Variants in POLN observed in about 807,000 individuals in gnomAD.
The protein encoded by POLN is DNA polymerase nu.
POLN carries 108 observed loss-of-function variants against 113.5 expected under a neutral mutation model. That is an observed-to-expected ratio of 0.95 (90% CI 0.81 to 1.12). The LOEUF (loss-of-function observed/expected upper bound fraction) is 1.12, where lower values mean the gene tolerates loss of function less well. Among genes scored for constraint, POLN ranks in the 50% most tolerant of loss-of-function variants. POLN has a pLI of 0.00. For synonymous variants in POLN, 386 were observed against 391.5 expected (o/e 0.99, Z 0.17); for missense variants, 1,097 against 1,077.1 (o/e 1.02, Z -0.26).
intron 4 of POLN, among the ~76,000 whole-genome samples, chr4:2,210,007 T>TTATATATATATATA (rs139428211): frequency 2.1e-5 from 3 of 146,164 alleles, no homozygotes; most frequent in African/African-American, 7.5e-5. Flanking sequence ...TAAATTTACT[T>TTATATATATATATA]TATATATATA....
At chr4:2,195,424 C>G (rs959196897) in intron 6 of POLN, among the ~76,000 whole-genome samples, 5 of 149,104 alleles carry the variant, frequency 3.4e-5, no homozygotes, top group African/African-American at 1.2e-4. Context: ...CCATCTCATA[C>G]AGGGTGGTCA....
intron 19 of POLN, among the ~76,000 whole-genome samples, chr4:2,124,158 A>C (rs906295971): frequency 4.6e-5 from 7 of 152,288 alleles, no homozygotes; most frequent in African/African-American, 1.7e-4. Context: ...CTAGAGACAG[A>C]AAGTAGATGA....
intron 20 of POLN, among the ~76,000 whole-genome samples, chr4:2,092,283 C>A (rs1428021704): frequency 6.6e-6 from 1 of 152,228 alleles, no homozygotes; most frequent in African/African-American, 2.4e-5. Flanking sequence ...GTCAGGGAAT[C>A]ATCTGAGAAG....
chr4:2,188,325 G>A (rs1733332452), intron 7 of POLN, among the ~76,000 whole-genome samples: 1 of 152,184 alleles, frequency 6.6e-6, no homozygotes, highest in East Asian at 1.9e-4. Flanking sequence ...CACGGGCCGG[G>A]CGCAGTGGCT....
At chr4:2,123,899 C>G (rs1731513378) in intron 19 of POLN, among the ~76,000 whole-genome samples, 1 of 151,672 alleles carries the variant, frequency 6.6e-6, no homozygotes, top group Non-Finnish European at 1.5e-5. Context: ...TGGAAACAAC[C>G]CAAATGTCCA....
chr4:2,178,426 A>C (rs1015060705), intron 8 of POLN, among the ~76,000 whole-genome samples: 1 of 152,234 alleles, frequency 6.6e-6, no homozygotes, highest in Non-Finnish European at 1.5e-5. Context: ...AAGCCTGAAC[A>C]GGGTGGCCCC....
chr4:2,081,689 T>C lies in POLN; in HGVS notation c.2252A>G (p.His751Arg). The C allele has an allele frequency of 6.2e-7, 1 of 1,614,186 alleles. No homozygotes were observed. Among genetic ancestry groups the C allele is most frequent in the Non-Finnish European group, 8.5e-7 (1 of 1,180,028 alleles). ...RRRPLPRIHA[H>R]DQQLRAQAER... is the part of the protein sequence containing the mutation. The stretch of plus-strand genomic sequence containing the variant: ...TGCTTGTGCCCGGAGTTGCTGGTCA[T>C]GAGCGTGAATCCTTGGCAGGGGTCT... Residue 751 changes from histidine to arginine, a missense_variant, in exon 22 of 26, where the codon CAT (histidine) becomes CGT (arginine). His to Arg is a conservative substitution (Grantham distance 29, BLOSUM62 0). Coordinates refer to ENST00000511885, the MANE Select transcript of POLN (RefSeq NM_181808.4).
At chr4:2,240,473 C>A (rs773569535) in intron 2 of POLN, 2 of 1,613,832 alleles carry the variant, frequency 1.2e-6, no homozygotes, top group East Asian at 2.2e-5. Flanking sequence ...TCTTAGTGAT[C>A]ATTGCATTTA....
At chr4:2,075,920 TG>T (rs990522713) in intron 23 of POLN, among the ~76,000 whole-genome samples, 32 of 152,130 alleles carry the variant, frequency 2.1e-4, no homozygotes, top group African/African-American at 7.5e-4. Flanking sequence ...TGGGCAGGGA[TG>T]GAAAAACAGC....
At chr4:2,125,567 C>T (rs1017336414) in intron 19 of POLN, among the ~76,000 whole-genome samples, 2 of 152,146 alleles carry the variant, frequency 1.3e-5, no homozygotes, top group African/African-American at 2.4e-5. Flanking sequence ...TTGCAACTTC[C>T]GCCAGCACCT....
chr4:2,094,454 CCT>C (rs1206410398), intron 20 of POLN, among the ~76,000 whole-genome samples: 2 of 152,088 alleles, frequency 1.3e-5, no homozygotes, highest in Admixed American at 1.3e-4. Flanking sequence ...CAGCCAACAC[CCT>C]GACTGCAGCC....
chr4:2,197,586 T>A (rs985354229), intron 6 of POLN, among the ~76,000 whole-genome samples: 1 of 152,202 alleles, frequency 6.6e-6, no homozygotes, highest in Non-Finnish European at 1.5e-5. Flanking sequence ...TTCAGAAACA[T>A]CATCCAGATA....
At chr4:2,212,593 C>T (rs1734018674) in intron 4 of POLN, among the ~76,000 whole-genome samples, 1 of 151,744 alleles carries the variant, frequency 6.6e-6, no homozygotes, top group Admixed American at 6.6e-5. Flanking sequence ...CTTATGTTGC[C>T]CAAGCTGGTC....
intron 7 of POLN, among the ~76,000 whole-genome samples, chr4:2,189,544 CAGG>C (rs1733382777): frequency 6.6e-6 from 1 of 150,808 alleles, no homozygotes; most frequent in Non-Finnish European, 1.5e-5. Flanking sequence ...GAGGCTGAGG[CAGG>C]AGAATGGCGT....
chr4:2,156,553 A>T, intron 16 of POLN: 1 of 623,374 alleles, frequency 1.6e-6, no homozygotes, highest in Non-Finnish European at 2.9e-6. Context: ...ACTGGAGTGC[A>T]TGGGTTTCTG....
At chr4:2,092,820 G>C (rs1730699568) in intron 20 of POLN, among the ~76,000 whole-genome samples, 1 of 152,248 alleles carries the variant, frequency 6.6e-6, no homozygotes, top group Admixed American at 6.5e-5. Context: ...CGCCCCAGCA[G>C]CCTGGGAGGC....
At chr4:2,190,164 T>C (rs1733404193) in intron 7 of POLN, among the ~76,000 whole-genome samples, 1 of 151,878 alleles carries the variant, frequency 6.6e-6, no homozygotes. Flanking sequence ...CAAATTATAC[T>C]ACAAAGCTAT....
At chr4:2,230,914 G>C (rs1031266169) in intron 2 of POLN, 2 of 152,144 alleles carry the variant, frequency 1.3e-5, no homozygotes, top group Non-Finnish European at 2.9e-5. Flanking sequence ...AATACAATTA[G>C]ACATTTTTGC....
At chr4:2,080,931 A>G in intron 23 of POLN, 27 bp downstream of exon 23, 1 of 1,613,740 alleles carries the variant, frequency 6.2e-7, no homozygotes, top group Non-Finnish European at 8.5e-7. Context: ...CTCCCATCCA[A>G]GCCCTGGGAG....
Sources: allele counts gnomAD v4.1 joint callset (sites outside exome capture counted in the v4.1 genomes callset), GRCh38; gene constraint gnomAD v4.1.1; transcripts MANE v1.5; gene names NCBI Gene and HGNC (gene_info 2026-07-23, HGNC 2026-07-21).